PLXNA3: variants seen among roughly 807,000 people sequenced by gnomAD.
PLXNA3 encodes plexin-A3.
PLXNA3 carries 52 observed loss-of-function variants against 118.8 expected under a neutral mutation model. The observed-to-expected ratio is 0.44, with a 90% CI of 0.35 to 0.55. The LOEUF (loss-of-function observed/expected upper bound fraction) is 0.55, where lower values mean the gene tolerates loss of function less well. Ranked by LOEUF, PLXNA3 falls within the 20% of genes least tolerant of loss-of-function variation. The pLI is 0.01. For synonymous variants in PLXNA3, 925 were observed against 762.4 expected, an observed-to-expected ratio of 1.21 and a Z score of -3.51; for missense variants, 1,660 against 1,730.8, an observed-to-expected ratio of 0.96 and a Z score of 0.73.
In PLXNA3 at chrX:154,467,816, C is replaced by T; in HGVS notation, c.3635C>T (p.Ala1212Val). 8.3e-7 allele frequency: 1 copy of T among 1,204,161 alleles called. No homozygotes were observed. The highest frequency in any genetic ancestry group is 1.1e-6 in the Non-Finnish European group (1 of 894,755). The change falls in exon 21 of 33, where the codon GCA (alanine) becomes GTA (valine). Residue 1212 changes from alanine (A) to valine (V), a missense_variant. By Grantham distance (64) the Ala-to-Val change is moderately conservative. Coordinates refer to ENST00000369682, the MANE Select transcript of PLXNA3 (RefSeq NM_017514.5). Reference sequence around the variant, plus strand: ...TGGCTGGGCACCCTGCACATCTCGGCAGAGCGGGCGCTGACCCTACCGGCC... The same window carrying T: ...TGGCTGGGCACCCTGCACATCTCGGTAGAGCGGGCGCTGACCCTACCGGCC... Reference protein sequence around the residue: ...EFWLGTLHISAERALTLPAMM... With the variant: ...EFWLGTLHISVERALTLPAMM...
At position 154,468,195 on chromosome X, in the gene PLXNA3, G is replaced by A. The variant is rs1557208100; in HGVS notation, c.3934G>A (p.Glu1312Lys). ...CGTGCGCGTGCTCTTCCCGGGCATC[G>A]AGGCCCACCCGGTGCTCAAGGAGCT... ...YAVRVLFPGIEAHPVLKELDT... is the reference protein window; with the variant it reads ...YAVRVLFPGIKAHPVLKELDT... Residue 1312 changes from glutamate (E) to lysine (K), a missense_variant, in exon 22 of 33, where the codon GAG (glutamate) becomes AAG (lysine). This residue lies in a region of PLXNA3 where 869 missense variants were observed against 1,078.7 expected (regional missense o/e 0.81). Coordinates refer to ENST00000369682, the MANE Select transcript of PLXNA3 (RefSeq NM_017514.5). 5 of 1,183,100 alleles carry A rather than the reference G, an allele frequency of 4.2e-6. No individual in the cohort carries two copies. The highest frequency in any genetic ancestry group is 3.0e-5 in the East Asian group (1 of 33,596).
intron 30 of PLXNA3, chrX:154,470,885 G>A: frequency 4.5e-6 from 2 of 446,858 alleles, no homozygotes; most frequent in Non-Finnish European, 7.8e-6. Context: ...GTCGCAGGTG[G>A]TGAGAGCGGT....
rs986942759 is a variant in PLXNA3 at position 154,466,402 on chromosome X, C to T, written c.2826C>T (p.Pro942=). The T allele has an allele frequency of 5.8e-6, 7 of 1,210,287 alleles. No individual in the cohort carries two copies. Among genetic ancestry groups the T allele is most frequent in the African/African-American group, 5.2e-5 (3 of 57,516 alleles). Residue 942 remains proline, a synonymous_variant, in exon 16 of 33, where the codon CCC becomes CCT. Transcript: ENST00000369682. ...CCCCAACGTTTGACCAAGTGAGTCCCAGCCGTGGCCCGGCGTCCGGGGGCA... is the reference window on the plus strand; with the variant it reads ...CCCCAACGTTTGACCAAGTGAGTCCTAGCCGTGGCCCGGCGTCCGGGGGCA... The part of the protein sequence containing the change: ...FVTPTFDQVS[P]SRGPASGGTR...
intron 32 of PLXNA3, among the ~76,000 whole-genome samples, chrX:154,472,047 G>T (rs1029674177): frequency 8.9e-6 from 1 of 111,815 alleles, no homozygotes; most frequent in African/African-American, 3.3e-5. Context: ...TGGGTGTGGA[G>T]GGAGAAGCGG....
intron 1 of PLXNA3, 93 bp from the exon 2 acceptor site, chrX:154,460,063 CG>C (rs782646203): frequency 8.1e-6 from 4 of 492,374 alleles, no homozygotes; most frequent in Non-Finnish European, 1.4e-5. Context: ...CTCCCTGTCA[CG>C]GTGGCCATCT....
At position 154,462,028 on chromosome X, in the gene PLXNA3, G is replaced by A. The variant is rs188199314; in HGVS notation, c.1135-100G>A. 348 of 709,267 alleles carry A rather than the reference G, an allele frequency of 4.9e-4. 2 individuals are homozygous for A. The highest frequency in any genetic ancestry group is 2.7e-3 in the East Asian group (79 of 28,768). The allele number at this position is 709,267 out of a possible 1,213,427, so 58.5% of individuals were successfully genotyped here. ...CAGTCAGTCCTGGCTGGAGGGGACC[G>A]GGTTCTAGATCCCGCTCTCTTCTGG... On this transcript the variant is annotated intron_variant, in intron 3 of 32. Coordinates refer to ENST00000369682, the MANE Select transcript of PLXNA3 (RefSeq NM_017514.5).
intron 11 of PLXNA3, 83 bp downstream of exon 11, chrX:154,465,301 C>T: frequency 9.4e-7 from 1 of 1,059,785 alleles, no homozygotes; most frequent in South Asian, 2.0e-5. Context: ...AGCTCTCTGG[C>T]AGGGAACTGT....
chrX:154,463,067 A>G (rs1478811779), intron 4 of PLXNA3, among the ~76,000 whole-genome samples: 1 of 111,153 alleles, frequency 9.0e-6, no homozygotes, highest in Non-Finnish European at 1.9e-5. Flanking sequence ...TAAAGTGCAC[A>G]GTTCAGTGGG....
At chrX:154,463,816 A>C in intron 6 of PLXNA3, 126 bp downstream of exon 6, 1 of 974,894 alleles carries the variant, frequency 1.0e-6, no homozygotes, top group Non-Finnish European at 1.4e-6. Flanking sequence ...AATGAGTGGA[A>C]CCTCCACCCC....
At chrX:154,465,333 C>T (rs2069061645) in intron 11 of PLXNA3, 91 bp from the exon 12 acceptor site, 1 of 1,035,882 alleles carries the variant, frequency 9.7e-7, no homozygotes, top group South Asian at 2.0e-5. Context: ...GCTAGGGATT[C>T]CTGTACCTGG....
chrX:154,469,826 A>C (rs782341514), intron 28 of PLXNA3, 42 bp downstream of exon 28: 1 of 1,142,181 alleles, frequency 8.8e-7, no homozygotes, highest in Middle Eastern at 2.4e-4. Flanking sequence ...CTTCGAGGGA[A>C]CCCCCACTTC....
Position 154,465,679 on chromosome X carries a change from G to C in PLXNA3, c.2364G>C (p.Ala788=). ...SFRALLYKCW[A]QRPSCGLCLK... ...CAGCCCTCCTGTACAAGTGCTGGGC[G>C]CAGCGGCCCAGCTGTGGCCTCTGCC... Residue 788 remains alanine, a synonymous_variant, in exon 13 of 33, where the codon GCG becomes GCC. Transcript: ENST00000369682. The C allele has an allele frequency of 8.3e-7, 1 of 1,208,750 alleles. No homozygotes were observed. Among genetic ancestry groups the C allele is most frequent in the Non-Finnish European group, 1.1e-6 (1 of 893,680 alleles).
Position 154,472,739 on chromosome X carries a change from C to T in PLXNA3, c.*54C>T. The T allele has an allele frequency of 1.1e-6, 1 of 928,866 alleles. No individual in the cohort carries two copies. Among genetic ancestry groups the T allele is most frequent in the South Asian group, 2.0e-5 (1 of 50,445 alleles). The allele number at this position is 928,866 out of a possible 1,213,427, so 76.5% of individuals were successfully genotyped here. A position where few individuals can be genotyped will look rare whatever the true frequency, so the allele number is the denominator to read the frequency against. The stretch of plus-strand genomic sequence containing the variant: ...CTCAGTCCTGTGCCGTCCTCCCATC[C>T]AGGGGAGTGGCTGGCTCAAGCCTGG... On this transcript the variant is annotated 3_prime_UTR_variant, in exon 33 of 33. Transcript: ENST00000369682.
Position 154,469,753 on chromosome X carries a change from C to G in PLXNA3, c.4764C>G (p.Ser1588=), listed in dbSNP as rs782290368. 2 of 1,208,977 alleles carry G rather than the reference C, an allele frequency of 1.7e-6. No individual in the cohort carries two copies. Among genetic ancestry groups the G allele is most frequent in the East Asian group, 5.9e-5 (2 of 33,820 alleles). Residue 1588 remains serine, a synonymous_variant, in exon 28 of 33, where the codon TCC becomes TCG. Coordinates refer to ENST00000369682, the MANE Select transcript of PLXNA3 (RefSeq NM_017514.5). ...KQVSAYNMAN[S]FTFTRSLSRY... The stretch of plus-strand genomic sequence containing the variant: ...TGTCTGCCTATAACATGGCCAACTC[C>G]TTCACCTTCACCCGCTCCCTCAGCC...
rs782386269 is a variant in PLXNA3 at position 154,471,354 on chromosome X, A to G, written c.5369+37A>G. ...CCTGCTGTGGGTGGCAGAGGGCAGGACCTGCCCCTCCCTGGGCTGCCTGTG... is the reference window on the plus strand; with the variant it reads ...CCTGCTGTGGGTGGCAGAGGGCAGGGCCTGCCCCTCCCTGGGCTGCCTGTG... On this transcript the variant is annotated intron_variant, in intron 31 of 32. Coordinates refer to ENST00000369682, the MANE Select transcript of PLXNA3 (RefSeq NM_017514.5). The G allele has an allele frequency of 4.5e-5, 52 of 1,163,329 alleles. No individual in the cohort carries two copies. The Admixed American group carries it at 1.2e-3, about 26-fold the overall frequency.
In PLXNA3 at chrX:154,466,285, G is replaced by A; in HGVS notation, c.2799+15G>A. ...ACAGCTTTGTGGTGCGTGGCTGCCG[G>A]CCCTACCCCTTCCTGTCCCTTCTCT... On this transcript the variant is annotated intron_variant, in intron 15 of 32. Transcript: ENST00000369682. 8.3e-7 allele frequency: 1 copy of A among 1,209,819 alleles called. No individual in the cohort carries two copies. The highest frequency in any genetic ancestry group is 1.1e-6 in the Non-Finnish European group (1 of 895,323).
At position 154,471,594 on chromosome X, in the gene PLXNA3, G is replaced by C; in HGVS notation, c.5476G>C (p.Ala1826Pro). The change falls in exon 32 of 33, where the codon GCG becomes CCG. Residue 1826 changes from alanine to proline, a missense_variant. By Grantham distance (27) the Ala-to-Pro change is conservative (BLOSUM62 -1). This residue lies in a region of PLXNA3 where 869 missense variants were observed against 1,078.7 expected (regional missense o/e 0.81). Coordinates refer to ENST00000369682, the MANE Select transcript of PLXNA3 (RefSeq NM_017514.5). ...CGCCAGCGACTTCAGCGTCCTGAGT[G>C]CGCTCAACGAGCTGTATTTCTATGT... ...LHASDFSVLS[A>P]LNELYFYVTK... 8.3e-7 allele frequency: 1 copy of C among 1,210,702 alleles called. No homozygotes were observed. The highest frequency in any genetic ancestry group is 1.1e-6 in the Non-Finnish European group (1 of 894,567).
In PLXNA3 at chrX:154,465,417, C is replaced by T. The variant is rs782710505; in HGVS notation, c.2245-7C>T. The T allele has an allele frequency of 5.8e-5, 69 of 1,193,634 alleles. No homozygotes were observed. The highest frequency in any genetic ancestry group is 7.3e-5 in the Non-Finnish European group (64 of 881,096). On this transcript the variant is annotated splice_region_variant and splice_polypyrimidine_tract_variant and intron_variant, in intron 11 of 32. Transcript: ENST00000369682. ...TATCTGGGGTCCCATGGGTTCCTTTCCTCCAGTACTCCTATGAAGGTGATG... is the reference window on the plus strand; with the variant it reads ...TATCTGGGGTCCCATGGGTTCCTTTTCTCCAGTACTCCTATGAAGGTGATG...
chrX:154,465,623 C>T, intron 12 of PLXNA3, 34 bp from the exon 13 acceptor site: 1 of 1,195,029 alleles, frequency 8.4e-7, no homozygotes, highest in Non-Finnish European at 1.1e-6. Context: ...TCTGCCACTG[C>T]CTGCTCCGTC....
Sources: allele counts gnomAD v4.1 joint callset (sites outside exome capture counted in the v4.1 genomes callset), GRCh38; gene constraint gnomAD v4.1.1; regional missense constraint gnomAD v4.1.1; transcripts MANE v1.5; gene names NCBI Gene and HGNC (gene_info 2026-07-23, HGNC 2026-07-21).